ABCA1: variants seen among roughly 807,000 people sequenced by gnomAD.
The protein encoded by ABCA1 is phospholipid-transporting ATPase ABCA1.
ABCA1 carries 133 observed loss-of-function variants against 262.5 expected under a neutral mutation model. The observed-to-expected ratio is 0.51, with a 90% CI of 0.44 to 0.59. ABCA1 has a LOEUF of 0.59. Among genes scored for constraint, ABCA1 ranks in the 20% least tolerant of loss-of-function variants. The pLI, the probability that ABCA1 is intolerant of heterozygous loss-of-function variation, is 0.00. For missense variants in ABCA1, 2,452 were observed against 2,777.5 expected (o/e 0.88, Z 2.63); for synonymous variants, 1,022 against 1,043.5 (o/e 0.98, Z 0.40).
intron 3 of ABCA1, 89 bp from the exon 4 acceptor site, chr9:104,884,657 C>T: frequency 1.4e-6 from 2 of 1,463,738 alleles, no homozygotes; most frequent in East Asian, 2.3e-5. Flanking sequence ...TGCTTCATGC[C>T]AAGTCTGTCC....
At chr9:104,882,027 T>A (rs1222691492) in intron 5 of ABCA1, among the ~76,000 whole-genome samples, 2 of 37,580 alleles carry the variant, frequency 5.3e-5, no homozygotes, top group African/African-American at 2.2e-4. Context: ...TTCTGTAGCC[T>A]TAAAAAAAAA....
rs1212523072 is a variant in ABCA1, at chr9:104,806,422, G to A, written c.4283C>T (p.Pro1428Leu). Residue 1428 changes from proline (P) to leucine (L), a missense_variant, in exon 31 of 50, where the codon CCC (proline) becomes CTC (leucine). Coordinates refer to ENST00000374736, the MANE Select transcript of ABCA1 (RefSeq NM_005502.4). ...CMEGNPIPDT[P>L]CQAGEEEWTT... ...CCACTCTTCCTCCCCTGCCTGGCAGGGCGTGTCTCTGCAAAGGGAAGACAG... is the reference window on the plus strand; with the variant it reads ...CCACTCTTCCTCCCCTGCCTGGCAGAGCGTGTCTCTGCAAAGGGAAGACAG... The A allele has an allele frequency of 3.7e-6, 6 of 1,614,092 alleles. No homozygotes were observed. In the South Asian group the frequency reaches 4.4e-5, roughly 12 times the overall value.
chr9:104,893,682 T>G (rs1839967294), intron 2 of ABCA1, among the ~76,000 whole-genome samples: 1 of 152,016 alleles, frequency 6.6e-6, no homozygotes, highest in Non-Finnish European at 1.5e-5. Context: ...TTGTCTTGAT[T>G]TTATATGTAG....
At chr9:104,801,455 T>C (rs1448305854) in intron 34 of ABCA1, among the ~76,000 whole-genome samples, 1 of 150,080 alleles carries the variant, frequency 6.7e-6, no homozygotes, top group African/African-American at 2.5e-5. Context: ...CTCCTGACCT[T>C]GTGCTTTGCC....
chr9:104,927,147 T>C (rs548022632), intron 1 of ABCA1, among the ~76,000 whole-genome samples: 17 of 148,528 alleles, frequency 1.1e-4, no homozygotes, highest in African/African-American at 3.5e-4. Context: ...GAGGCGGAGG[T>C]TGCAGTGAGC....
intron 1 of ABCA1, among the ~76,000 whole-genome samples, chr9:104,921,529 C>T (rs895709875): frequency 3.3e-5 from 5 of 152,120 alleles, no homozygotes; most frequent in Admixed American, 1.3e-4. Context: ...TGAAACTGAG[C>T]GAAACTGAAA....
chr9:104,848,418 G>A (rs776072783), intron 7 of ABCA1, among the ~76,000 whole-genome samples: 4 of 151,902 alleles, frequency 2.6e-5, no homozygotes, highest in South Asian at 2.1e-4. Flanking sequence ...AGTTCAAGAC[G>A]AGCCTGGCCA....
chr9:104,906,009 T>C (rs942386994), intron 1 of ABCA1, among the ~76,000 whole-genome samples: 3 of 152,226 alleles, frequency 2.0e-5, no homozygotes, highest in African/African-American at 7.2e-5. Flanking sequence ...TGTGTTCTAC[T>C]GTGGATTCAA....
intron 1 of ABCA1, among the ~76,000 whole-genome samples, chr9:104,908,650 G>A (rs1476545571): frequency 1.3e-5 from 2 of 152,158 alleles, no homozygotes; most frequent in Non-Finnish European, 2.9e-5. Context: ...GACAGAGTGA[G>A]ACACCTCCTC....
intron 6 of ABCA1, among the ~76,000 whole-genome samples, chr9:104,860,053 C>CAAAAAAAAAA (rs200596186): frequency 1.6e-5 from 1 of 62,720 alleles, no homozygotes; most frequent in African/African-American, 4.3e-5. Flanking sequence ...GACTCCAACT[C>CAAAAAAAAAA]AAAAAAAAAA....
Position 104,822,513 on chromosome 9 carries a change from C to T in ABCA1, c.2811G>A (p.Ala937=), listed in dbSNP as rs147290375. 84 of 1,613,688 alleles carry T rather than the reference C, an allele frequency of 5.2e-5. No individual in the cohort carries two copies. Among genetic ancestry groups the T allele is most frequent in the African/African-American group, 2.8e-4 (21 of 74,990 alleles). The change falls in exon 19 of 50, where the codon GCG becomes GCA. Residue 937 remains alanine (A), a synonymous_variant. Coordinates refer to ENST00000374736, the MANE Select transcript of ABCA1 (RefSeq NM_005502.4). ...CTTCTTACATGGTGGTCGTCTTCCC[C>T]GCTCCATTGTGGCCCAGGAAGGAGG... ...QITSFLGHNG[A]GKTTTMSILT...
intron 1 of ABCA1, among the ~76,000 whole-genome samples, chr9:104,925,526 G>C (rs1359885364): frequency 6.6e-6 from 1 of 152,124 alleles, no homozygotes; most frequent in Non-Finnish European, 1.5e-5. Flanking sequence ...CACTATGCGG[G>C]TGCTCAAATA....
chr9:104,907,546 A>G (rs773410050), intron 1 of ABCA1, among the ~76,000 whole-genome samples: 5 of 152,224 alleles, frequency 3.3e-5, no homozygotes, highest in Non-Finnish European at 7.3e-5. Flanking sequence ...CAAGGGTGGC[A>G]GCACTCCTGG....
intron 3 of ABCA1, among the ~76,000 whole-genome samples, chr9:104,888,739 T>C (rs1431267080): frequency 6.6e-6 from 1 of 152,246 alleles, no homozygotes; most frequent in Admixed American, 6.5e-5. Context: ...TTCCATGATT[T>C]GCAATGTGTG....
chr9:104,845,945 T>C (rs181445712), intron 7 of ABCA1, among the ~76,000 whole-genome samples: 355 of 152,300 alleles, frequency 2.3e-3, no homozygotes, highest in Admixed American at 3.7e-3. Context: ...AACAAGTTAA[T>C]GACGGCTCAC....
At chr9:104,839,376 G>A (rs1357530559) in intron 9 of ABCA1, among the ~76,000 whole-genome samples, 1 of 152,316 alleles carries the variant, frequency 6.6e-6, no homozygotes, top group South Asian at 2.1e-4. Context: ...TAACTCTGAT[G>A]TGGCTCTAAC....
intron 1 of ABCA1, among the ~76,000 whole-genome samples, chr9:104,907,608 C>A (rs1223562720): frequency 1.3e-5 from 2 of 152,186 alleles, no homozygotes; most frequent in Admixed American, 1.3e-4. Flanking sequence ...GGCAAATTAT[C>A]CCCAAAGAGG....
At chr9:104,888,664 G>C (rs1839436761) in intron 3 of ABCA1, among the ~76,000 whole-genome samples, 1 of 152,064 alleles carries the variant, frequency 6.6e-6, no homozygotes, top group South Asian at 2.1e-4. Context: ...GTTGTTATGA[G>C]AATAAAATAA....
intron 40 of ABCA1, among the ~76,000 whole-genome samples, 192 bp downstream of exon 40, chr9:104,794,195 C>G (rs1051827240): frequency 6.6e-6 from 1 of 152,168 alleles, no homozygotes; most frequent in Non-Finnish European, 1.5e-5. Flanking sequence ...ATCAGAGACA[C>G]AGACAAATGG....
Sources: gnomAD v4.1 joint callset for allele counts (sites outside exome capture counted in the v4.1 genomes callset) on GRCh38, gnomAD v4.1.1 for gene constraint, MANE v1.5 for transcripts, NCBI Gene and HGNC (gene_info 2026-07-23, HGNC 2026-07-21) for gene names.